The following ADAM12 variants were observed in gnomAD, a reference collection of about 807,000 sequenced individuals.
ADAM12 encodes ADAM metallopeptidase domain 12.
In ADAM12, 70 loss-of-function variants were observed where a neutral mutation model predicts 106.4. That is an observed-to-expected ratio of 0.66 (90% CI 0.54 to 0.80). The LOEUF is 0.80. Ranked by LOEUF, ADAM12 falls within the 30% of genes least tolerant of loss-of-function variation. The probability of loss-of-function intolerance (pLI) is 0.00; values close to 1 mark genes in which losing one functional copy is unlikely to be tolerated. For missense variants in ADAM12, 1,010 were observed against 1,171.9 expected, an observed-to-expected ratio of 0.86 and a Z score of 2.02; for synonymous variants, 420 against 433.5, an observed-to-expected ratio of 0.97 and a Z score of 0.39.
chr10:126,237,172 C>T (rs933464618), intron 3 of ADAM12, among the ~76,000 whole-genome samples: 1 of 152,178 alleles, frequency 6.6e-6, no homozygotes, highest in Non-Finnish European at 1.5e-5. Context: ...TTTAAAACTG[C>T]TGTGTTCCCT....
chr10:126,375,208 C>T (rs558850805), intron 1 of ADAM12, among the ~76,000 whole-genome samples: 20 of 148,882 alleles, frequency 1.3e-4, no homozygotes, highest in African/African-American at 2.5e-4. Flanking sequence ...CAATAAGAAG[C>T]GACTGGATCC....
At position 126,081,728 on chromosome 10, in the gene ADAM12, A is replaced by G. The variant is rs75699592; in HGVS notation, c.1146-10074T>C. 9.3e-3 allele frequency among the ~76,000 whole-genome samples: 1,418 copies of G among 152,316 alleles called. 57 individuals are homozygous for G. The East Asian group carries it at 0.12, about 13-fold the overall frequency. Reference sequence around the variant, plus strand: ...AGTGGAGGCTAAACGAGCTTCAAACAAAAAGATCAAAGTCTGGTTAACTTC... The same window carrying G: ...AGTGGAGGCTAAACGAGCTTCAAACGAAAAGATCAAAGTCTGGTTAACTTC... On this transcript the variant is annotated intron_variant, in intron 11 of 22. Transcript: ENST00000448723.
intron 2 of ADAM12, among the ~76,000 whole-genome samples, chr10:126,291,681 G>C (rs1960154958): frequency 6.6e-6 from 1 of 152,180 alleles, no homozygotes; most frequent in Admixed American, 6.5e-5. Flanking sequence ...GCTGAGGCTG[G>C]AGGAGAAGCT....
chr10:126,354,291 C>A (rs1855463920), intron 1 of ADAM12, among the ~76,000 whole-genome samples: 1 of 152,084 alleles, frequency 6.6e-6, no homozygotes, highest in South Asian at 2.1e-4. Flanking sequence ...AGAGTAAAAG[C>A]CCTAGAATAT....
intron 2 of ADAM12, among the ~76,000 whole-genome samples, chr10:126,313,052 A>G (rs896865744): frequency 9.9e-5 from 15 of 152,226 alleles, no homozygotes; most frequent in African/African-American, 3.4e-4. Flanking sequence ...AGAAATGCAG[A>G]GCAGCTTGGC....
Position 126,064,640 on chromosome 10 carries a change from T to C in ADAM12, c.1609+166A>G, listed in dbSNP as rs2279089. 0.11 allele frequency: 81,813 copies of C among 745,892 alleles called. 5,597 individuals are homozygous for C. The highest frequency in any genetic ancestry group is 0.27 in the Admixed American group (9,565 of 35,732). 46.2% of individuals were successfully genotyped at this position (745,892 alleles called of 1,614,324 possible). On this transcript the variant is annotated intron_variant, in intron 14 of 22. Coordinates refer to ENST00000448723, the MANE Select transcript of ADAM12 (RefSeq NM_001288973.2). This position sits in a 1 kb window ranked among gnomAD's most constrained non-coding sequence, Gnocchi z 4.4. The stretch of plus-strand genomic sequence containing the variant: ...TGTGCACCCCATGCCCAGTGCGGCC[T>C]CAGACCCTCCCTGGGAGTCAATCAC...
chr10:126,354,013 G>A (rs1304550720), intron 1 of ADAM12, among the ~76,000 whole-genome samples: 1 of 149,342 alleles, frequency 6.7e-6, no homozygotes, highest in African/African-American at 2.5e-5. Context: ...TATTTGAAAT[G>A]TTTTTTATAA....
intron 4 of ADAM12, 54 bp downstream of exon 4, chr10:126,155,173 T>A (rs761940385): frequency 1.3e-6 from 2 of 1,584,058 alleles, no homozygotes; most frequent in Admixed American, 1.7e-5. Flanking sequence ...CTACAAAGGT[T>A]AAGCACAGAT....
intron 1 of ADAM12, among the ~76,000 whole-genome samples, chr10:126,354,032 A>C (rs1421140387): frequency 1.5e-5 from 2 of 137,134 alleles, no homozygotes; most frequent in African/African-American, 2.6e-5. Flanking sequence ...AATGTTAACA[A>C]GCTTTTTTTT....
At chr10:126,336,234 A>G (rs1209609644) in intron 1 of ADAM12, among the ~76,000 whole-genome samples, 2 of 152,214 alleles carry the variant, frequency 1.3e-5, no homozygotes, top group Non-Finnish European at 2.9e-5. Context: ...CTAGCTTTGC[A>G]ATTTTTCTGT....
intron 3 of ADAM12, among the ~76,000 whole-genome samples, chr10:126,256,657 T>C (rs191879493): frequency 2.0e-5 from 3 of 152,240 alleles, no homozygotes; most frequent in Admixed American, 2.0e-4. Context: ...ATCTGGACAA[T>C]AGCCCAGTGC....
At chr10:126,086,533 C>T (rs987509211) in intron 11 of ADAM12, among the ~76,000 whole-genome samples, 5 of 146,748 alleles carry the variant, frequency 3.4e-5, no homozygotes, top group Non-Finnish European at 7.5e-5. Flanking sequence ...AAGAATCAGC[C>T]AGGTGTGGTG....
chr10:126,133,784 G>A (rs913421859), intron 5 of ADAM12, among the ~76,000 whole-genome samples: 41 of 152,012 alleles, frequency 2.7e-4, no homozygotes, highest in African/African-American at 9.4e-4. Flanking sequence ...TGGCCACCTC[G>A]CTGCTCTGGG....
At chr10:126,248,237 CAT>C (rs1314848073) in intron 3 of ADAM12, among the ~76,000 whole-genome samples, 16 of 152,296 alleles carry the variant, frequency 1.1e-4, no homozygotes, top group Middle Eastern at 3.4e-3. Context: ...GCCGACTTCA[CAT>C]GTCAGGAATT....
chr10:126,312,858 C>G (rs192693906), intron 2 of ADAM12, among the ~76,000 whole-genome samples: 2 of 152,130 alleles, frequency 1.3e-5, no homozygotes, highest in East Asian at 1.9e-4. Context: ...CACATATGCA[C>G]GTGAACATAT....
Position 126,036,252 on chromosome 10 carries a change from T to G in ADAM12, c.2423A>C (p.Gln808Pro). The change falls in exon 21 of 23, where the codon CAG becomes CCG. Residue 808 changes from glutamine (Q) to proline (P), a missense_variant. Transcript: ENST00000448723. ...SRPLNGLNVP[Q>P]PQSTQRVLPP... ...AAGCACTCGCTGAGTTGACTGGGGC[T>G]GAGGGACATTCAGGCCGTTGAGGGG... The G allele has an allele frequency of 6.4e-7, 1 of 1,557,058 alleles. No homozygotes were observed. The highest frequency in any genetic ancestry group is 8.6e-7 in the Non-Finnish European group (1 of 1,157,966).
intron 3 of ADAM12, among the ~76,000 whole-genome samples, chr10:126,255,274 A>G (rs1958868376): frequency 6.6e-6 from 1 of 152,148 alleles, no homozygotes; most frequent in South Asian, 2.1e-4. Flanking sequence ...GAGGCCTGAG[A>G]ACTGAACAGA....
intron 2 of ADAM12, among the ~76,000 whole-genome samples, chr10:126,325,302 G>A (rs1854259492): frequency 6.6e-6 from 1 of 152,234 alleles, no homozygotes; most frequent in African/African-American, 2.4e-5. Flanking sequence ...CCATTCCAAT[G>A]ACATGTTGGG....
chr10:126,223,312 T>G (rs1418256759), intron 3 of ADAM12, among the ~76,000 whole-genome samples: 1 of 152,236 alleles, frequency 6.6e-6, no homozygotes, highest in Non-Finnish European at 1.5e-5. Context: ...TATTTCAGCT[T>G]CTGCCTGTCA....
Sources: gnomAD v4.1 joint callset for allele counts (sites outside exome capture counted in the v4.1 genomes callset) on GRCh38, gnomAD v4.1.1 for gene constraint, Gnocchi (gnomAD v3.1) non-coding constraint, MANE v1.5 for transcripts, NCBI Gene and HGNC (gene_info 2026-07-23, HGNC 2026-07-21) for gene names.